The following UBTD2 variants were observed in gnomAD, a reference collection of about 807,000 sequenced individuals.
The protein encoded by UBTD2 is ubiquitin domain-containing protein 2.
UBTD2 carries 9 observed loss-of-function variants against 19.8 expected under a neutral mutation model. The observed-to-expected ratio is 0.46, with a 90% CI of 0.27 to 0.79. The LOEUF (loss-of-function observed/expected upper bound fraction) is 0.79. UBTD2 is among the 30% of genes least tolerant of loss of function. UBTD2 has a pLI of 0.14. For missense variants in UBTD2, 250 were observed against 300.4 expected (o/e 0.83, Z 1.24); for synonymous variants, 98 against 103.9 (o/e 0.94, Z 0.35).
chr5:172,251,314 C>CAAAAAAAAAAAAAAAAAAAAAAAA (rs57577423), intron 1 of UBTD2, among the ~76,000 whole-genome samples: 1 of 118,216 alleles, frequency 8.5e-6, no homozygotes, highest in African/African-American at 3.4e-5. Context: ...GAGCCTATCT[C>CAAAAAAAAAAAAAAAAAAAAAAAA]AAAAAAAAAA....
At chr5:172,218,784 AAAAAAT>A (rs1561849225) in intron 2 of UBTD2, among the ~76,000 whole-genome samples, 54 of 66,368 alleles carry the variant, frequency 8.1e-4, no homozygotes, top group African/African-American at 3.3e-3. Flanking sequence ...CCAAAAAAAA[AAAAAAT>A]AAAAAAATAA....
intron 1 of UBTD2, among the ~76,000 whole-genome samples, chr5:172,270,605 C>A (rs912027300): frequency 6.6e-6 from 1 of 152,036 alleles, no homozygotes; most frequent in Non-Finnish European, 1.5e-5. Flanking sequence ...CTGCCTACCT[C>A]AGCCTCCCAA....
intron 1 of UBTD2, among the ~76,000 whole-genome samples, chr5:172,247,463 G>T (rs1201418968): frequency 1.3e-5 from 2 of 151,968 alleles, no homozygotes; most frequent in African/African-American, 4.8e-5. Context: ...ATAAAACTAT[G>T]ATCACACCAC....
At position 172,239,557 on chromosome 5, in the gene UBTD2, AT is replaced by A. The variant is rs1772081595; in HGVS notation, c.71-5200del. On this transcript the variant is annotated intron_variant, in intron 1 of 2. Transcript: ENST00000393792. ...TGCCTCAGCCTCCCGAGTAGCCGGGATTACAGGCGCCTGCCACCACGCCTAG... is the reference window on the plus strand; with the variant it reads ...TGCCTCAGCCTCCCGAGTAGCCGGGATACAGGCGCCTGCCACCACGCCTAG... Among the ~76,000 whole-genome samples the A allele has an allele frequency of 5.3e-5, 8 of 151,448 alleles. No individual in the cohort carries two copies. In the South Asian group the frequency reaches 1.7e-3, roughly 32 times the overall value.
At chr5:172,248,938 G>T (rs1054804103) in intron 1 of UBTD2, among the ~76,000 whole-genome samples, 2 of 143,188 alleles carry the variant, frequency 1.4e-5, no homozygotes, top group Non-Finnish European at 3.0e-5. Context: ...GGCCTGTCTT[G>T]GGGGGGAAGA....
chr5:172,234,138 G>A lies in UBTD2; in HGVS notation c.291C>T (p.Asn97=). The change falls in exon 2 of 3, where the codon AAC becomes AAT. Residue 97 remains asparagine, a synonymous_variant. Transcript: ENST00000393792. ...CAAACCTACCATGTGGTAATGTTAT[G>A]TTTGCACCATCAATGATTGCTTGTG... The part of the protein sequence containing the change: ...ELAQAIIDGA[N]ITLPHGALTE... 6.2e-7 allele frequency: 1 copy of A among 1,614,144 alleles called. No individual in the cohort carries two copies. Among genetic ancestry groups the A allele is most frequent in the Non-Finnish European group, 8.5e-7 (1 of 1,180,014 alleles).
chr5:172,250,083 C>T (rs370976907), intron 1 of UBTD2, among the ~76,000 whole-genome samples: 2 of 151,906 alleles, frequency 1.3e-5, no homozygotes, highest in Non-Finnish European at 2.9e-5. Context: ...ATTAGCTGGG[C>T]GTGGTGGTGG....
At chr5:172,216,316 A>G (rs569101282) in intron 2 of UBTD2, among the ~76,000 whole-genome samples, 79 of 152,244 alleles carry the variant, frequency 5.2e-4, no homozygotes, top group African/African-American at 1.8e-3. Flanking sequence ...GGAACAGCAG[A>G]GAAGAACAAG....
At chr5:172,282,130 G>C (rs182328479) in intron 1 of UBTD2, among the ~76,000 whole-genome samples, 57 of 152,260 alleles carry the variant, frequency 3.7e-4, no homozygotes, top group African/African-American at 1.3e-3. Context: ...CTAAACACTA[G>C]CGATAACAAA....
At chr5:172,279,298 A>G (rs917620682) in intron 1 of UBTD2, among the ~76,000 whole-genome samples, 2 of 152,244 alleles carry the variant, frequency 1.3e-5, no homozygotes, top group African/African-American at 4.8e-5. Flanking sequence ...CTTGGCTTCA[A>G]TCTTTATCTA....
intron 1 of UBTD2, among the ~76,000 whole-genome samples, chr5:172,245,332 C>G (rs772763651): frequency 2.0e-5 from 3 of 152,106 alleles, no homozygotes; most frequent in Non-Finnish European, 4.4e-5. Context: ...AACTGCAGAG[C>G]AGAAACAGCT....
At chr5:172,267,895 G>A (rs1308919514) in intron 1 of UBTD2, among the ~76,000 whole-genome samples, 3 of 152,156 alleles carry the variant, frequency 2.0e-5, no homozygotes, top group Admixed American at 6.5e-5. Context: ...ATAAAGAAAC[G>A]GAAGATGAGT....
chr5:172,262,159 A>G (rs544090490), intron 1 of UBTD2, among the ~76,000 whole-genome samples: 2 of 152,132 alleles, frequency 1.3e-5, no homozygotes, highest in African/African-American at 4.8e-5. Context: ...TTAAGAATCA[A>G]GAAAATGTGG....
Position 172,234,147 on chromosome 5 carries a change from A to T in UBTD2, c.282T>A (p.Asp94Glu). 4 of 1,614,200 alleles carry T rather than the reference A, an allele frequency of 2.5e-6. No individual in the cohort carries two copies. Among genetic ancestry groups the T allele is most frequent in the Non-Finnish European group, 3.4e-6 (4 of 1,180,032 alleles). Residue 94 changes from aspartate to glutamate, a missense_variant, in exon 2 of 3, where the codon GAT (aspartate) becomes GAA (glutamate). By Grantham distance (45) the Asp-to-Glu change is conservative. Coordinates refer to ENST00000393792, the MANE Select transcript of UBTD2 (RefSeq NM_152277.3). The part of the protein sequence containing the change: ...NDHELAQAII[D>E]GANITLPHGA... ...CATGTGGTAATGTTATGTTTGCACC[A>T]TCAATGATTGCTTGTGCCAGTTCAT...
Position 172,212,197 on chromosome 5 carries a change from C to T in UBTD2, c.338G>A (p.Gly113Glu), listed in dbSNP as rs1771465985. 2 of 1,611,780 alleles carry T rather than the reference C, an allele frequency of 1.2e-6. No individual in the cohort carries two copies. Among genetic ancestry groups the T allele is most frequent in the Admixed American group, 1.7e-5 (1 of 59,976 alleles). The change falls in exon 3 of 3, where the codon GGG becomes GAG. Residue 113 changes from glycine (G) to glutamate (E), a missense_variant. By Grantham distance (98) the Gly-to-Glu change is moderately conservative. Coordinates refer to ENST00000393792, the MANE Select transcript of UBTD2 (RefSeq NM_152277.3). ...ATACACTGGAAGCTGATATCTGTTC[C>T]CCAGTTCATCGTAGCACTCTGTAAG... The part of the protein sequence containing the change: ...GALTECYDEL[G>E]NRYQLPVYCL...
chr5:172,252,226 G>T (rs1755039278), intron 1 of UBTD2: 1 of 152,162 alleles, frequency 6.6e-6, no homozygotes, highest in Non-Finnish European at 1.5e-5. Context: ...CCCTCCCAAA[G>T]TGAAACTGTA....
At position 172,232,517 on chromosome 5, in the gene UBTD2, T is replaced by C. The variant is rs538560850; in HGVS notation, c.307+1605A>G. Among the ~76,000 whole-genome samples, 7 of 152,220 alleles carry C rather than the reference T, an allele frequency of 4.6e-5. No individual in the cohort carries two copies. The East Asian group carries it at 1.4e-3, about 29-fold the overall frequency. ...AAAGGAATGTTTCTTGGAAGCACAA[T>C]TAATCAGAAAACTAATGGTGATTTG... is the stretch of plus-strand genomic sequence containing the variant. On this transcript the variant is annotated intron_variant, in intron 2 of 2. Transcript: ENST00000393792.
chr5:172,248,944 G>T (rs1456986986), intron 1 of UBTD2, among the ~76,000 whole-genome samples: 3 of 149,212 alleles, frequency 2.0e-5, no homozygotes, highest in Non-Finnish European at 4.5e-5. Flanking sequence ...TCTTGGGGGG[G>T]AAGAAAATTA....
At chr5:172,264,795 G>C (rs551380791) in intron 1 of UBTD2, among the ~76,000 whole-genome samples, 1 of 151,936 alleles carries the variant, frequency 6.6e-6, no homozygotes, top group Non-Finnish European at 1.5e-5. Flanking sequence ...AAGATGGCTT[G>C]AGCCCAGGAG....
Sources: gnomAD v4.1 joint callset for allele counts (sites outside exome capture counted in the v4.1 genomes callset) on GRCh38, gnomAD v4.1.1 for gene constraint, MANE v1.5 for transcripts, NCBI Gene and HGNC (gene_info 2026-07-23, HGNC 2026-07-21) for gene names.